Variants in GLIS1 observed in about 807,000 individuals in gnomAD.
GLIS1 encodes the protein zinc finger protein GLIS1.
Under a neutral mutation model 63.8 loss-of-function variants are expected in GLIS1, and 24 were observed. The observed-to-expected ratio is 0.38, with a 90% CI of 0.27 to 0.53. The LOEUF is 0.53. Ranked by LOEUF, GLIS1 falls within the 20% of genes least tolerant of loss-of-function variation. The pLI is 0.85. For missense variants in GLIS1, 1,036 were observed against 1,074.1 expected (o/e 0.96, Z 0.50); for synonymous variants, 450 against 482.5 (o/e 0.93, Z 0.88).
At chr1:53,718,754 C>A (rs879387616) in intron 2 of GLIS1, among the ~76,000 whole-genome samples, 3 of 152,194 alleles carry the variant, frequency 2.0e-5, no homozygotes, top group Non-Finnish European at 4.4e-5. Flanking sequence ...CTCTGCGGAT[C>A]ATTCCTAGAT....
intron 2 of GLIS1, among the ~76,000 whole-genome samples, chr1:53,661,448 G>T (rs777826414): frequency 4.6e-5 from 7 of 152,300 alleles, no homozygotes; most frequent in Non-Finnish European, 1.0e-4. Context: ...AGCCTAATTG[G>T]TTTTTATTAG....
At chr1:53,681,298 C>G (rs980162738) in intron 2 of GLIS1, among the ~76,000 whole-genome samples, 1 of 152,242 alleles carries the variant, frequency 6.6e-6, no homozygotes, top group Admixed American at 6.5e-5. Context: ...AGGGCTGCAG[C>G]CTGAGGTGGG....
chr1:53,527,946 G>A (rs1418830921), intron 5 of GLIS1, among the ~76,000 whole-genome samples: 1 of 152,216 alleles, frequency 6.6e-6, no homozygotes, highest in East Asian at 1.9e-4. Context: ...TTGCTTTGGG[G>A]CTGGGTCCAG....
chr1:53,729,292 G>A (rs971728428), intron 2 of GLIS1, among the ~76,000 whole-genome samples: 7 of 152,150 alleles, frequency 4.6e-5, no homozygotes, highest in African/African-American at 9.7e-5. Context: ...GAAATCATCC[G>A]TTTGAAGGCC....
rs375343014 is a variant in GLIS1, at chr1:53,594,311, G to A, written c.1117C>T (p.Arg373Cys). ...GRVVAGRQACRWVDCCAAYEQ... is the reference protein window; with the variant it reads ...GRVVAGRQACCWVDCCAAYEQ... The stretch of plus-strand genomic sequence containing the variant: ...TAGGCTGCACAGCAGTCCACCCAGC[G>A]GCACGCCTGCCGCCCGGCCACCACC... The change falls in exon 4 of 11, where the codon CGC becomes TGC. Residue 373 changes from arginine (R) to cysteine (C), a missense_variant. Transcript: ENST00000628545. 7.4e-6 allele frequency: 12 copies of A among 1,612,238 alleles called. No individual in the cohort carries two copies. The highest frequency in any genetic ancestry group is 5.0e-5 in the Admixed American group (3 of 59,998).
intron 2 of GLIS1, among the ~76,000 whole-genome samples, chr1:53,689,480 A>G (rs1393792785): frequency 6.6e-6 from 1 of 151,988 alleles, no homozygotes; most frequent in South Asian, 2.1e-4. Context: ...ACCCAGAAAC[A>G]TCCTGAGCTG....
intron 2 of GLIS1, among the ~76,000 whole-genome samples, chr1:53,653,139 G>A (rs1645926898): frequency 6.6e-6 from 1 of 152,210 alleles, no homozygotes; most frequent in Non-Finnish European, 1.5e-5. Context: ...TAAGTGCAGA[G>A]GTCCTGAGCA....
rs1355009077 is a variant in GLIS1, at chr1:53,738,045, TC to T, written c.19del (p.Glu7ArgfsTer34). On this transcript the variant is annotated frameshift_variant, in exon 2 of 11. Coordinates refer to ENST00000628545, the MANE Select transcript of GLIS1 (RefSeq NM_001367484.1). LOFTEE classifies it high-confidence loss of function. ...CTTAGGCCTCTTGTCCGAGTGTGCC[TC>T]AGCCACCTCGCAATGCATGGCGCCG... MHCEVA[E>X]AHSDKRPKEA... 1 of 1,230,438 alleles carries T rather than the reference TC, an allele frequency of 8.1e-7. No individual in the cohort carries two copies. The highest frequency in any genetic ancestry group is 1.0e-6 in the Non-Finnish European group (1 of 987,204). The allele number at this position is 1,230,438 out of a possible 1,614,324, so 76.2% of individuals were successfully genotyped here.
At chr1:53,586,506 G>A (rs1016336769) in intron 4 of GLIS1, among the ~76,000 whole-genome samples, 5 of 152,092 alleles carry the variant, frequency 3.3e-5, no homozygotes, top group East Asian at 3.9e-4. Flanking sequence ...TTTCTCTTTC[G>A]CAAATGCAAA....
chr1:53,648,994 T>A (rs1569984186), intron 2 of GLIS1, among the ~76,000 whole-genome samples: 1 of 152,224 alleles, frequency 6.6e-6, no homozygotes, highest in East Asian at 1.9e-4. Flanking sequence ...AACAAGATGG[T>A]TTTGAACTGC....
Position 53,708,435 on chromosome 1 carries a change from C to T in GLIS1, c.259+29371G>A, listed in dbSNP as rs1288040320. On this transcript the variant is annotated intron_variant, in intron 2 of 10. Coordinates refer to ENST00000628545, the MANE Select transcript of GLIS1 (RefSeq NM_001367484.1). ...AGTATTAATATATTCAAGAATGCCA[C>T]CATGAAATATAATATTATTATGTCT... Among the ~76,000 whole-genome samples the T allele has an allele frequency of 2.0e-5, 3 of 152,228 alleles. 1 individual carries two copies. The highest frequency in any genetic ancestry group is 3.9e-4 in the East Asian group (2 of 5,184).
At chr1:53,582,462 C>T (rs1023772018) in intron 4 of GLIS1, among the ~76,000 whole-genome samples, 6 of 152,220 alleles carry the variant, frequency 3.9e-5, no homozygotes, top group Admixed American at 3.9e-4. Flanking sequence ...CACCGCCAAC[C>T]GTCTCCTGCT....
At chr1:53,601,245 A>T (rs1200149718) in intron 2 of GLIS1, among the ~76,000 whole-genome samples, 2 of 152,120 alleles carry the variant, frequency 1.3e-5, no homozygotes, top group Non-Finnish European at 2.9e-5. Context: ...AGGGGATCTC[A>T]CCCGTTCCCC....
chr1:53,694,144 G>A (rs972023305), intron 2 of GLIS1, among the ~76,000 whole-genome samples: 2 of 152,222 alleles, frequency 1.3e-5, no homozygotes, highest in Non-Finnish European at 2.9e-5. Flanking sequence ...AGGGGCTCTG[G>A]CCCAATCTGG....
intron 4 of GLIS1, among the ~76,000 whole-genome samples, chr1:53,564,119 T>C (rs927463242): frequency 3.9e-5 from 6 of 152,184 alleles, no homozygotes; most frequent in Admixed American, 2.0e-4. Flanking sequence ...CGCACACTGT[T>C]TTATAAAATG....
intron 5 of GLIS1, 86 bp downstream of exon 5, chr1:53,529,705 G>A: frequency 7.1e-7 from 1 of 1,402,468 alleles, no homozygotes. Context: ...TGGGGCTACA[G>A]GGTAAGGCAG....
intron 4 of GLIS1, among the ~76,000 whole-genome samples, chr1:53,592,238 C>T (rs1355042825): frequency 2.0e-5 from 3 of 152,178 alleles, no homozygotes; most frequent in Admixed American, 2.0e-4. Context: ...AGAAAGTGGG[C>T]GGGGAAGGGC....
intron 2 of GLIS1, among the ~76,000 whole-genome samples, chr1:53,603,056 A>C (rs1645334433): frequency 6.6e-6 from 1 of 152,176 alleles, no homozygotes; most frequent in African/African-American, 2.4e-5. Flanking sequence ...CAAACCCATC[A>C]CTTCTACAGG....
chr1:53,585,719 A>G (rs1246758537), intron 4 of GLIS1, among the ~76,000 whole-genome samples: 1 of 152,124 alleles, frequency 6.6e-6, no homozygotes, highest in Non-Finnish European at 1.5e-5. Flanking sequence ...GGAGGAACAC[A>G]CCTGTGAAAG....
Sources: allele counts gnomAD v4.1 joint callset (sites outside exome capture counted in the v4.1 genomes callset), GRCh38; gene constraint gnomAD v4.1.1; transcripts MANE v1.5; gene names NCBI Gene and HGNC (gene_info 2026-07-23, HGNC 2026-07-21).